Variants in GRIK4 observed in about 807,000 individuals in gnomAD.
The protein encoded by GRIK4 is glutamate ionotropic receptor kainate type subunit 4.
A neutral mutation model predicts 104.9 loss-of-function variants in GRIK4; 40 were observed. The observed-to-expected ratio is 0.38, with a 90% CI of 0.30 to 0.50. The LOEUF is 0.50. Among genes scored for constraint, GRIK4 ranks in the 20% least tolerant of loss-of-function variants. The pLI, the probability that GRIK4 is intolerant of heterozygous loss-of-function variation, is 0.93. For synonymous variants in GRIK4, 485 were observed against 524.9 expected, an observed-to-expected ratio of 0.92 and a Z score of 1.04; for missense variants, 1,047 against 1,308.1, an observed-to-expected ratio of 0.80 and a Z score of 3.08.
chr11:120,603,893 G>A (rs551128369), intron 1 of GRIK4, among the ~76,000 whole-genome samples: 4 of 150,376 alleles, frequency 2.7e-5, no homozygotes, highest in South Asian at 2.1e-4. Flanking sequence ...GCCCCTGGCC[G>A]GGTGCGGTGG....
At chr11:120,861,257 C>T (rs997714791) in intron 8 of GRIK4, among the ~76,000 whole-genome samples, 2 of 151,942 alleles carry the variant, frequency 1.3e-5, no homozygotes, top group African/African-American at 4.8e-5. Context: ...TACAGGAATG[C>T]ACCACCACAT....
intron 6 of GRIK4, among the ~76,000 whole-genome samples, chr11:120,824,201 A>G (rs1173670956): frequency 6.6e-6 from 1 of 152,232 alleles, no homozygotes; most frequent in Non-Finnish European, 1.5e-5. Flanking sequence ...GACCAAGTAG[A>G]GAGAGATTGT....
intron 11 of GRIK4, among the ~76,000 whole-genome samples, chr11:120,893,982 T>G (rs1344083298): frequency 2.6e-5 from 4 of 152,300 alleles, no homozygotes; most frequent in African/African-American, 7.2e-5. Context: ...TGCATTTGTT[T>G]TCAGTTTTAA....
chr11:120,668,170 G>C (rs1271470362), intron 3 of GRIK4, among the ~76,000 whole-genome samples: 2 of 151,920 alleles, frequency 1.3e-5, no homozygotes, highest in Admixed American at 6.6e-5. Context: ...TAAGTACATA[G>C]GTAGGTAGAT....
intron 11 of GRIK4, among the ~76,000 whole-genome samples, chr11:120,878,608 G>GCC (rs1954880751): frequency 1.4e-5 from 1 of 73,568 alleles, no homozygotes; most frequent in African/African-American, 5.6e-5. Context: ...TTCTCTTTAT[G>GCC]CCCCGCCCCC....
At chr11:120,569,164 G>A (rs1948366621) in intron 1 of GRIK4, among the ~76,000 whole-genome samples, 1 of 152,186 alleles carries the variant, frequency 6.6e-6, no homozygotes, top group Non-Finnish European at 1.5e-5. Flanking sequence ...GCTCCAGGCG[G>A]GGCAACTGGC....
chr11:120,666,476 A>G (rs1949916384), intron 3 of GRIK4, among the ~76,000 whole-genome samples: 1 of 152,246 alleles, frequency 6.6e-6, no homozygotes, highest in South Asian at 2.1e-4. Flanking sequence ...GCTAAAGAGA[A>G]AAAGCACATA....
intron 3 of GRIK4, among the ~76,000 whole-genome samples, chr11:120,705,428 G>A (rs1950613758): frequency 6.6e-6 from 1 of 152,058 alleles, no homozygotes; most frequent in African/African-American, 2.4e-5. Flanking sequence ...GTTTCACCAT[G>A]TTGGCCAGGC....
intron 1 of GRIK4, among the ~76,000 whole-genome samples, chr11:120,535,243 T>G (rs1591680049): frequency 4.2e-5 from 5 of 117,990 alleles, no homozygotes; most frequent in South Asian, 5.8e-4. Context: ...CCTGAGGAGG[T>G]GGGGGATCCA....
intron 20 of GRIK4, among the ~76,000 whole-genome samples, chr11:120,982,542 G>A (rs927081067): frequency 6.6e-6 from 1 of 152,046 alleles, no homozygotes; most frequent in African/African-American, 2.4e-5. Flanking sequence ...GAGATATCCC[G>A]ACTCATGCGA....
At chr11:120,806,598 A>G (rs1454094978) in intron 4 of GRIK4, among the ~76,000 whole-genome samples, 2 of 152,230 alleles carry the variant, frequency 1.3e-5, no homozygotes, top group Admixed American at 6.5e-5. Flanking sequence ...TTGACTGTGG[A>G]AAGCAGAGGC....
At chr11:120,676,661 C>T (rs1333880785) in intron 3 of GRIK4, among the ~76,000 whole-genome samples, 1 of 152,208 alleles carries the variant, frequency 6.6e-6, no homozygotes, top group Non-Finnish European at 1.5e-5. Flanking sequence ...TCACTCACTG[C>T]AGAACAGCAC....
intron 13 of GRIK4, among the ~76,000 whole-genome samples, chr11:120,922,276 T>G (rs1943242887): frequency 6.6e-6 from 1 of 152,222 alleles, no homozygotes; most frequent in Non-Finnish European, 1.5e-5. Flanking sequence ...ATCACGTGGC[T>G]GGGAAGTGGT....
chr11:120,836,952 A>G, intron 8 of GRIK4, 108 bp downstream of exon 8: 3 of 711,030 alleles, frequency 4.2e-6, no homozygotes, highest in Non-Finnish European at 7.4e-6. Flanking sequence ...AGGAGATAGA[A>G]GCAGAGGAGC....
At chr11:120,965,236 A>G (rs918474950) in intron 18 of GRIK4, among the ~76,000 whole-genome samples, 5 of 152,230 alleles carry the variant, frequency 3.3e-5, no homozygotes, top group Non-Finnish European at 1.5e-5. Flanking sequence ...GAGTAAGCAG[A>G]ATAAGCCTTT....
chr11:120,848,948 A>G (rs1352536326), intron 8 of GRIK4, among the ~76,000 whole-genome samples: 3 of 152,160 alleles, frequency 2.0e-5, no homozygotes, highest in African/African-American at 7.2e-5. Context: ...CTGAAGAAGC[A>G]TTCAACAGGG....
intron 3 of GRIK4, among the ~76,000 whole-genome samples, chr11:120,681,167 G>A (rs999266434): frequency 2.6e-5 from 4 of 152,302 alleles, no homozygotes; most frequent in Non-Finnish European, 4.4e-5. Flanking sequence ...GAAACTCAAA[G>A]ACAGGATCAT....
chr11:120,557,624 A>G (rs1189127256), intron 1 of GRIK4, among the ~76,000 whole-genome samples: 2 of 152,174 alleles, frequency 1.3e-5, no homozygotes, highest in Non-Finnish European at 2.9e-5. Context: ...TCAGGCTGAA[A>G]ATGAGCAGCA....
intron 7 of GRIK4, among the ~76,000 whole-genome samples, chr11:120,834,449 G>T (rs1408309754): frequency 6.6e-6 from 1 of 152,190 alleles, no homozygotes; most frequent in Non-Finnish European, 1.5e-5. Flanking sequence ...TGAGCAGCAA[G>T]GCTTCAGGAA....
Sources: gnomAD v4.1 joint callset for allele counts (sites outside exome capture counted in the v4.1 genomes callset) on GRCh38, gnomAD v4.1.1 for gene constraint, MANE v1.5 for transcripts, NCBI Gene and HGNC (gene_info 2026-07-23, HGNC 2026-07-21) for gene names.